Variants in SMARCAD1 observed in about 807,000 individuals in gnomAD.
The protein encoded by SMARCAD1 is SWI/SNF-related matrix-associated actin-dependent regulator of chromatin subfamily A containing DEAD/H box 1.
A neutral mutation model predicts 127.1 loss-of-function variants in SMARCAD1; 25 were observed. The observed-to-expected ratio is 0.20, with a 90% CI of 0.14 to 0.27. The LOEUF is 0.27. Ranked by LOEUF, SMARCAD1 falls within the 10% of genes least tolerant of loss-of-function variation. The pLI, the probability that SMARCAD1 is intolerant of heterozygous loss-of-function variation, is 1.00. For missense variants in SMARCAD1, 807 were observed against 1,206.0 expected (o/e 0.67, Z 4.90); for synonymous variants, 400 against 396.9 (o/e 1.01, Z -0.09).
chr4:94,279,176 T>TG (rs1255586319), intron 19 of SMARCAD1, 126 bp downstream of exon 19: 1 of 1,213,574 alleles, frequency 8.2e-7, no homozygotes, highest in African/African-American at 1.5e-5. Flanking sequence ...CTTTTTTTTT[T>TG]CAGACCAGGT....
chr4:94,220,903 G>A (rs1286983151), intron 2 of SMARCAD1, among the ~76,000 whole-genome samples: 1 of 152,170 alleles, frequency 6.6e-6, no homozygotes, highest in African/African-American at 2.4e-5. Context: ...TGTGAAGTAC[G>A]CATCACTGCA....
chr4:94,282,094 TTTTTTG>T (rs1245466819), intron 21 of SMARCAD1, among the ~76,000 whole-genome samples: 2 of 10,252 alleles, frequency 2.0e-4, no homozygotes, highest in Non-Finnish European at 7.9e-4. Context: ...GCAAATACGT[TTTTTTG>T]TTTTTTTTTT....
intron 7 of SMARCAD1, among the ~76,000 whole-genome samples, chr4:94,250,320 A>C (rs753711269): frequency 2.0e-5 from 3 of 152,046 alleles, no homozygotes; most frequent in Non-Finnish European, 4.4e-5. Context: ...GATTTATTTG[A>C]GTATATATGT....
chr4:94,281,647 A>C, intron 21 of SMARCAD1, 57 bp downstream of exon 21: 1 of 1,104,598 alleles, frequency 9.1e-7, no homozygotes, highest in Non-Finnish European at 1.4e-6. Flanking sequence ...TATTGTTAGG[A>C]TTTTAATTGT....
intron 10 of SMARCAD1, among the ~76,000 whole-genome samples, chr4:94,269,971 T>G (rs1031934235): frequency 1.3e-5 from 2 of 151,954 alleles, no homozygotes; most frequent in Admixed American, 6.6e-5. Context: ...CTGTTTTCAT[T>G]CCTTATAACT....
At chr4:94,208,819 G>C (rs991097676) in intron 2 of SMARCAD1, among the ~76,000 whole-genome samples, 2 of 152,170 alleles carry the variant, frequency 1.3e-5, no homozygotes, top group Non-Finnish European at 2.9e-5. Context: ...CATGGTGGAA[G>C]TTGAAATTAG....
At chr4:94,211,576 C>T (rs1742268394) in intron 2 of SMARCAD1, among the ~76,000 whole-genome samples, 1 of 152,176 alleles carries the variant, frequency 6.6e-6, no homozygotes, top group South Asian at 2.1e-4. Context: ...AGTCAGCTTA[C>T]AGGACAGAAA....
chr4:94,283,983 A>G (rs937413539), intron 22 of SMARCAD1, among the ~76,000 whole-genome samples: 36 of 151,916 alleles, frequency 2.4e-4, no homozygotes, highest in Non-Finnish European at 8.8e-5. Context: ...GTTGTAAATT[A>G]TTTTAGATGA....
At chr4:94,276,948 TC>T in intron 15 of SMARCAD1, 73 bp from the exon 16 acceptor site, 1 of 1,491,222 alleles carries the variant, frequency 6.7e-7, no homozygotes, top group Non-Finnish European at 9.3e-7. Flanking sequence ...CCTTCACCTT[TC>T]ACTGGGGAGG....
rs928668930 is a variant in SMARCAD1, at chr4:94,276,667, G to A, written c.1944+193G>A. Among the ~76,000 whole-genome samples the A allele has an allele frequency of 2.6e-5, 4 of 152,206 alleles. No homozygotes were observed. The East Asian group carries it at 5.8e-4, about 22-fold the overall frequency. On this transcript the variant is annotated intron_variant, in intron 15 of 23. Coordinates refer to ENST00000354268, the MANE Select transcript of SMARCAD1 (RefSeq NM_020159.5). ...TTATGGACTAGATGGCCTCTGTCAC[G>A]TATTCTTTGATTTTGTTTTTTAACA...
intron 2 of SMARCAD1, among the ~76,000 whole-genome samples, chr4:94,222,152 A>G (rs1392846889): frequency 6.6e-6 from 1 of 152,132 alleles, no homozygotes; most frequent in African/African-American, 2.4e-5. Flanking sequence ...GCAAGAAGAG[A>G]TGAGTCAGCT....
At chr4:94,215,639 G>T (rs1435569604) in intron 2 of SMARCAD1, among the ~76,000 whole-genome samples, 2 of 105,804 alleles carry the variant, frequency 1.9e-5, no homozygotes, top group African/African-American at 3.5e-5. Context: ...GGGTGGGGGG[G>T]AGGAGGGGGA....
rs549209286 is a variant in SMARCAD1 at position 94,214,466 on chromosome 4, A to G, written c.190+5882A>G. On this transcript the variant is annotated intron_variant, in intron 2 of 23. Transcript: ENST00000354268. ...GTATTTTTAGTAGAGACCCGGTTTC[A>G]CCGTATTAGCCAGGATGGTCTCAAT... 7.3e-5 allele frequency among the ~76,000 whole-genome samples: 11 copies of G among 150,972 alleles called. No homozygotes were observed. In the South Asian group the frequency reaches 1.7e-3, roughly 23 times the overall value.
intron 9 of SMARCAD1, among the ~76,000 whole-genome samples, chr4:94,256,737 T>C (rs1046273571): frequency 6.6e-5 from 10 of 152,206 alleles, no homozygotes; most frequent in African/African-American, 2.4e-4. Flanking sequence ...GTAATACATA[T>C]TTCTTCCTTC....
intron 3 of SMARCAD1, among the ~76,000 whole-genome samples, chr4:94,232,137 A>G (rs1745938941): frequency 6.6e-6 from 1 of 152,224 alleles, no homozygotes; most frequent in Admixed American, 6.5e-5. Context: ...TGCTGGGATT[A>G]CAGGTGTGAG....
At chr4:94,230,292 T>G (rs992248429) in intron 3 of SMARCAD1, among the ~76,000 whole-genome samples, 5 of 152,244 alleles carry the variant, frequency 3.3e-5, no homozygotes, top group South Asian at 4.1e-4. Context: ...TATTTTTTTT[T>G]TTGTTTCTTA....
rs1490225893 is a variant in SMARCAD1, at chr4:94,249,689, T to C, written c.741T>C (p.Ser247=). The C allele has an allele frequency of 1.7e-5, 28 of 1,609,574 alleles. No homozygotes were observed. Among genetic ancestry groups the C allele is most frequent in the Non-Finnish European group, 6.0e-6 (7 of 1,176,336 alleles). The change falls in exon 7 of 24, where the codon AGT becomes AGC. Residue 247 remains serine, a synonymous_variant. Transcript: ENST00000354268. ...CAAATGAGTCTGCAGAATCTAGCAG[T>C]AATTGGGAAAAGCAGGAAAGTATTG... ...EESNESAESS[S]NWEKQESIVL... is the part of the protein sequence containing the mutation.
chr4:94,240,598 ACT>A (rs1346163416), intron 5 of SMARCAD1, among the ~76,000 whole-genome samples: 1 of 152,206 alleles, frequency 6.6e-6, no homozygotes, highest in East Asian at 1.9e-4. Context: ...ACACTCAGCC[ACT>A]TGGAAGAATC....
In SMARCAD1 at chr4:94,290,462, C is replaced by G; in HGVS notation, c.*928C>G. 1 of 454,468 alleles carries G rather than the reference C, an allele frequency of 2.2e-6. No individual in the cohort carries two copies. Among genetic ancestry groups the G allele is most frequent in the Non-Finnish European group, 4.4e-6 (1 of 226,762 alleles). The allele number at this position is 454,468 out of a possible 1,614,324, so 28.2% of individuals were successfully genotyped here. ...CAGATTACTTAAAGCTATTTCATTT[C>G]AAAGCAGACTGAATGTGACTTCATC... On this transcript the variant is annotated 3_prime_UTR_variant, in exon 24 of 24. Coordinates refer to ENST00000354268, the MANE Select transcript of SMARCAD1 (RefSeq NM_020159.5).
Sources: gnomAD v4.1 joint callset for allele counts (sites outside exome capture counted in the v4.1 genomes callset) on GRCh38, gnomAD v4.1.1 for gene constraint, MANE v1.5 for transcripts, NCBI Gene and HGNC (gene_info 2026-07-23, HGNC 2026-07-21) for gene names.